COL6A2: variants seen among roughly 807,000 people sequenced by gnomAD.
COL6A2 encodes collagen type VI alpha 2 chain.
A neutral mutation model predicts 124.9 loss-of-function variants in COL6A2; 90 were observed. The observed-to-expected ratio is 0.72, with a 90% CI of 0.61 to 0.86. The LOEUF is 0.86. Ranked by LOEUF, COL6A2 falls within the 40% of genes least tolerant of loss-of-function variation. The probability of loss-of-function intolerance (pLI) is 0.00; values close to 1 mark genes in which losing one functional copy is unlikely to be tolerated. For synonymous variants in COL6A2, 793 were observed against 618.2 expected (o/e 1.28, Z -4.19); for missense variants, 1,607 against 1,502.5 (o/e 1.07, Z -1.15).
At chr21:46,131,751 G>A (rs984059380) in intron 27 of COL6A2, among the ~76,000 whole-genome samples, 2 of 152,192 alleles carry the variant, frequency 1.3e-5, no homozygotes, top group African/African-American at 4.8e-5. Context: ...CAGAGGAGAT[G>A]GCGGCTCCCA....
At chr21:46,126,733 C>T (rs2078676193) in intron 27 of COL6A2, among the ~76,000 whole-genome samples, 192 bp downstream of exon 27, 1 of 152,166 alleles carries the variant, frequency 6.6e-6, no homozygotes, top group African/African-American at 2.4e-5. Context: ...GGAAGGCAGG[C>T]TCCCAGGAAC....
rs770952794 is a variant in COL6A2 at position 46,121,588 on chromosome 21, C to T, written c.1491C>T (p.Pro497=). The T allele has an allele frequency of 4.3e-6, 7 of 1,612,856 alleles. No homozygotes were observed. Among genetic ancestry groups the T allele is most frequent in the South Asian group, 1.1e-5 (1 of 91,086 alleles). Residue 497 remains proline, a synonymous_variant, in exon 18 of 28, where the codon CCC becomes CCT. Transcript: ENST00000300527. The part of the protein sequence containing the change: ...GSRGDPGDAG[P]RGDSGQPGPK... Reference sequence around the variant, plus strand: ...GGGGAGACCCCGGTGATGCAGGACCCCGTGGAGACTCAGGACAGCCAGGCC... The same window carrying T: ...GGGGAGACCCCGGTGATGCAGGACCTCGTGGAGACTCAGGACAGCCAGGCC...
chr21:46,113,854 TCACA>T (rs2078436467), intron 4 of COL6A2, 150 bp from the exon 5 acceptor site: 1 of 709,156 alleles, frequency 1.4e-6, no homozygotes, highest in South Asian at 1.5e-5. Flanking sequence ...ACCCCATGTC[TCACA>T]GCTCCCTCAC....
chr21:46,128,785 G>A (rs1011107478), intron 27 of COL6A2: 24 of 856,220 alleles, frequency 2.8e-5, no homozygotes, highest in Middle Eastern at 2.2e-4. Context: ...AGAGGCTGAG[G>A]AAGGGTTTAC....
At chr21:46,125,434 G>A (rs1309060822) in intron 24 of COL6A2, 31 bp from the exon 25 acceptor site, 1 of 1,610,976 alleles carries the variant, frequency 6.2e-7, no homozygotes. Flanking sequence ...GGTCTCCCCG[G>A]TACCCCCCGA....
At position 46,125,776 on chromosome 21, in the gene COL6A2, G is replaced by A. The variant is rs747900252; in HGVS notation, c.1970-9G>A. ...CCTCTGGCAACGACCTCACGCGTGC[G>A]GCTTGCAGGGACGCGTGTGGGCGTG... On this transcript the variant is annotated splice_polypyrimidine_tract_variant and intron_variant, in intron 25 of 27. Coordinates refer to ENST00000300527, the MANE Select transcript of COL6A2 (RefSeq NM_001849.4). 7.1e-5 allele frequency: 115 copies of A among 1,610,954 alleles called. No individual in the cohort carries two copies. Among genetic ancestry groups the A allele is most frequent in the Admixed American group, 4.7e-4 (28 of 59,958 alleles).
In COL6A2 at chr21:46,111,602, TCGGGGGC is replaced by T. The variant is rs757969178; in HGVS notation, c.115+19_115+25del. ...ACAACAACTGCCCAGGTGCCAGGGG[TCGGGGGC>T]CGGGGGCTCTGGGCATTTGGGGGGC... On this transcript the variant is annotated intron_variant, in intron 2 of 27. Transcript: ENST00000300527. 8.8e-6 allele frequency: 14 copies of T among 1,590,184 alleles called. No individual in the cohort carries two copies. The highest frequency in any genetic ancestry group is 1.7e-4 in the Middle Eastern group (1 of 5,948).
At chr21:46,129,502 CCCGCCCAGCCGGG>C (rs2078729273) in intron 27 of COL6A2, 1 of 1,552,244 alleles carries the variant, frequency 6.4e-7, no homozygotes, top group Non-Finnish European at 8.7e-7. Context: ...AGCCCGGGCA[CCCGCCCAGCCGGG>C]CTGGGCCCTC....
chr21:46,098,443 G>A (rs1470542284), intron 1 of COL6A2, among the ~76,000 whole-genome samples: 1 of 69,734 alleles, frequency 1.4e-5, no homozygotes, highest in African/African-American at 4.7e-5. Flanking sequence ...GGGCGGAGCC[G>A]GCCTGGGCGG....
intron 1 of COL6A2, among the ~76,000 whole-genome samples, chr21:46,102,863 A>G (rs1235793103): frequency 6.6e-6 from 1 of 152,194 alleles, no homozygotes; most frequent in Non-Finnish European, 1.5e-5. Context: ...GTTCATAAGG[A>G]AGACTGGATT....
Position 46,132,151 on chromosome 21 carries a change from G to A in COL6A2, c.2659G>A (p.Glu887Lys), listed in dbSNP as rs886043283. The A allele has an allele frequency of 6.2e-5, 98 of 1,570,154 alleles. No individual in the cohort carries two copies. The highest frequency in any genetic ancestry group is 6.8e-5 in the Non-Finnish European group (79 of 1,159,582). Residue 887 changes from glutamate (E) to lysine (K), a missense_variant, in exon 28 of 28, where the codon GAG (glutamate) becomes AAG (lysine). Glu to Lys is a moderately conservative substitution (Grantham distance 56, BLOSUM62 1). Around this residue, in one of 3 missense-constraint regions of COL6A2, gnomAD observed 1,223 missense variants for 1,052.2 expected, o/e 1.16. Transcript: ENST00000300527. The stretch of plus-strand genomic sequence containing the variant: ...GCTGCTGCAGTTTGGTGGCCCCGGC[G>A]AGCAGCAGGTGGCCTTCCCGCTGAG... The part of the protein sequence containing the change: ...VALLQFGGPG[E>K]QQVAFPLSHN...
intron 27 of COL6A2, chr21:46,129,509 A>G: frequency 6.5e-7 from 1 of 1,541,250 alleles, no homozygotes; most frequent in Non-Finnish European, 8.7e-7. Context: ...GCACCCGCCC[A>G]GCCGGGCTGG....
intron 26 of COL6A2, 58 bp from the exon 27 acceptor site, chr21:46,126,445 G>T: frequency 6.2e-7 from 1 of 1,606,024 alleles, no homozygotes. Context: ...GTGAACGGCC[G>T]CTGAGGGTTC....
At chr21:46,129,609 C>T in intron 27 of COL6A2, 2 of 1,433,874 alleles carry the variant, frequency 1.4e-6, no homozygotes, top group Non-Finnish European at 1.8e-6. Flanking sequence ...GTCAGCGGGG[C>T]TACAGTCCTT....
At chr21:46,099,522 G>T (rs2078264412) in intron 1 of COL6A2, among the ~76,000 whole-genome samples, 1 of 150,536 alleles carries the variant, frequency 6.6e-6, no homozygotes, top group Non-Finnish European at 1.5e-5. Flanking sequence ...CTTAAACACG[G>T]CCCTGCACGT....
chr21:46,125,946 T>C lies in COL6A2; in HGVS notation c.2131T>C (p.Tyr711His). 1 of 1,613,096 alleles carries C rather than the reference T, an allele frequency of 6.2e-7. No individual in the cohort carries two copies. The highest frequency in any genetic ancestry group is 2.2e-5 in the East Asian group (1 of 44,846). Residue 711 changes from tyrosine to histidine, a missense_variant, in exon 26 of 28, where the codon TAC becomes CAC. By Grantham distance (83) the Tyr-to-His change is moderately conservative. Transcript: ENST00000300527. ...GACACCCTCAGCCCTCAAGTTTGCC[T>C]ACGACCGCCTCATCAAGGAGAGCCG... ...TWTPSALKFA[Y>H]DRLIKESRRQ...
At chr21:46,113,623 C>G (rs1348646060) in intron 4 of COL6A2, 4 of 332,530 alleles carry the variant, frequency 1.2e-5, no homozygotes, top group African/African-American at 8.5e-5. Flanking sequence ...TGGGATCTCA[C>G]TATGTTGCCC....
intron 21 of COL6A2, among the ~76,000 whole-genome samples, chr21:46,124,175 AGGATGGGTGGATGAAT>A (rs2078620849): frequency 6.8e-6 from 1 of 146,356 alleles, no homozygotes; most frequent in Non-Finnish European, 1.5e-5. Flanking sequence ...GGGTGGACAG[AGGATGGGTGGATGAAT>A]GGATGGGTTA....
chr21:46,123,658 T>C (rs1364506122), intron 21 of COL6A2, among the ~76,000 whole-genome samples: 1 of 149,780 alleles, frequency 6.7e-6, no homozygotes, highest in Non-Finnish European at 1.5e-5. Flanking sequence ...AGTGGATACA[T>C]GGGTGAATGA....
Sources: gnomAD v4.1 joint callset for allele counts (sites outside exome capture counted in the v4.1 genomes callset) on GRCh38, gnomAD v4.1.1 for gene constraint, gnomAD v4.1.1 regional missense constraint, MANE v1.5 for transcripts, NCBI Gene and HGNC (gene_info 2026-07-23, HGNC 2026-07-21) for gene names.